BCL2: variants seen among roughly 807,000 people sequenced by gnomAD.
BCL2 encodes the protein BCL2 apoptosis regulator.
In BCL2, 1 loss-of-function variant was observed where a neutral mutation model predicts 14.2. The ratio of observed to expected loss-of-function variants is 0.07; its 90% CI spans 0.02 to 0.33. BCL2 has a LOEUF of 0.33. BCL2 is among the 10% of genes least tolerant of loss of function. BCL2 has a pLI of 0.99. For synonymous variants in BCL2, 151 were observed against 137.2 expected, an observed-to-expected ratio of 1.10 and a Z score of -0.70; for missense variants, 247 against 305.9, an observed-to-expected ratio of 0.81 and a Z score of 1.44.
intron 2 of BCL2, among the ~76,000 whole-genome samples, chr18:63,236,646 C>A (rs1456265288): frequency 6.6e-6 from 1 of 152,222 alleles, no homozygotes; most frequent in Non-Finnish European, 1.5e-5. Context: ...TCTGACGGCT[C>A]TTCAATGAAT....
At chr18:63,296,966 A>T (rs1348871140) in intron 2 of BCL2, among the ~76,000 whole-genome samples, 1 of 152,224 alleles carries the variant, frequency 6.6e-6, no homozygotes, top group African/African-American at 2.4e-5. Context: ...TAATCCCAGC[A>T]CTTTGGGAGG....
At chr18:63,131,780 A>C (rs1209332510) in intron 2 of BCL2, among the ~76,000 whole-genome samples, 1 of 152,194 alleles carries the variant, frequency 6.6e-6, no homozygotes. Flanking sequence ...TCTGAACCAG[A>C]CTAAGCCCCT....
At chr18:63,176,543 G>A (rs1250799817) in intron 2 of BCL2, among the ~76,000 whole-genome samples, 1 of 152,258 alleles carries the variant, frequency 6.6e-6, no homozygotes, top group Non-Finnish European at 1.5e-5. Context: ...GAATAAAAGA[G>A]TGAGTGGGTG....
intron 2 of BCL2, among the ~76,000 whole-genome samples, chr18:63,248,671 GA>G (rs1438156483): frequency 6.6e-6 from 1 of 152,164 alleles, no homozygotes; most frequent in Non-Finnish European, 1.5e-5. Context: ...GCACCCTGGG[GA>G]TACTGCCTCA....
At chr18:63,214,848 C>T (rs1910154243) in intron 2 of BCL2, among the ~76,000 whole-genome samples, 1 of 152,092 alleles carries the variant, frequency 6.6e-6, no homozygotes, top group African/African-American at 2.4e-5. Context: ...GTAGCTGGGA[C>T]TACAGGCATG....
Position 63,319,662 on chromosome 18 carries a change from C to G in BCL2, c.-775G>C, listed in dbSNP as rs969219065. The G allele has an allele frequency of 4.5e-6, 1 of 221,268 alleles. No homozygotes were observed. The highest frequency in any genetic ancestry group is 1.8e-4 in the South Asian group (1 of 5,416). 13.7% of individuals were successfully genotyped at this position (221,268 alleles called of 1,614,324 possible). ...AATCCTCTTCTGATTAAACTCCGAA[C>G]AGCAAATGCATTTTCCGAAAAGCTG... On this transcript the variant is annotated 5_prime_UTR_variant, in exon 1 of 3. Transcript: ENST00000333681.
intron 2 of BCL2, among the ~76,000 whole-genome samples, chr18:63,167,462 C>T (rs1915071458): frequency 1.3e-5 from 2 of 152,092 alleles, no homozygotes; most frequent in South Asian, 4.1e-4. Flanking sequence ...TTTAGAATTC[C>T]TTCTTTGGGC....
chr18:63,281,693 A>T (rs983235073), intron 2 of BCL2, among the ~76,000 whole-genome samples: 1 of 145,054 alleles, frequency 6.9e-6, no homozygotes, highest in Non-Finnish European at 1.5e-5. Context: ...AGAAAGAAAG[A>T]AAGAAAGAAA....
chr18:63,138,670 G>T (rs1182352439), intron 2 of BCL2, among the ~76,000 whole-genome samples: 2 of 152,236 alleles, frequency 1.3e-5, no homozygotes, highest in Non-Finnish European at 2.9e-5. Context: ...GGGTCCAGGG[G>T]GAGGGGCTGG....
In BCL2 at chr18:63,126,030, A is replaced by C. The variant is rs1231955592; in HGVS notation, c.*2595T>G. On this transcript the variant is annotated 3_prime_UTR_variant, in exon 3 of 3. Transcript: ENST00000333681. ...CATTGTTACTTCTAAAGCAGCTTGG[A>C]GGATCTTACCACGTGGAGCATACTG... is the stretch of plus-strand genomic sequence containing the variant. The C allele has an allele frequency of 4.6e-6, 1 of 218,588 alleles. No individual in the cohort carries two copies. Among genetic ancestry groups the C allele is most frequent in the Non-Finnish European group, 9.2e-6 (1 of 108,542 alleles). The allele number at this position is 218,588 out of a possible 1,614,324, so 13.5% of individuals were successfully genotyped here.
chr18:63,176,166 T>C (rs1044037680), intron 2 of BCL2, among the ~76,000 whole-genome samples: 1 of 152,200 alleles, frequency 6.6e-6, no homozygotes, highest in African/African-American at 2.4e-5. Context: ...TGGGGAGCAA[T>C]GGCAGGATGG....
At chr18:63,147,975 A>T (rs1914555165) in intron 2 of BCL2, among the ~76,000 whole-genome samples, 1 of 152,164 alleles carries the variant, frequency 6.6e-6, no homozygotes. Flanking sequence ...TTTTCTCAGA[A>T]TGTTTCATTC....
intron 2 of BCL2, among the ~76,000 whole-genome samples, chr18:63,209,085 G>C (rs1459971896): frequency 2.0e-5 from 3 of 152,216 alleles, no homozygotes; most frequent in Non-Finnish European, 2.9e-5. Flanking sequence ...CCTGGCAAAA[G>C]GCTATAGGTC....
chr18:63,317,769 C>T, intron 2 of BCL2: 1 of 1,229,206 alleles, frequency 8.1e-7, no homozygotes, highest in Non-Finnish European at 1.0e-6. Context: ...CCTGGGGACT[C>T]CTGGACCTTC....
chr18:63,264,771 A>G (rs1911769717), intron 2 of BCL2, among the ~76,000 whole-genome samples: 1 of 152,244 alleles, frequency 6.6e-6, no homozygotes, highest in South Asian at 2.1e-4. Flanking sequence ...ATGGGAACGA[A>G]GAGATAGCCA....
At chr18:63,309,914 GTGCAGTGACACGATCTCGGCTCAC>G (rs931243353) in intron 2 of BCL2, among the ~76,000 whole-genome samples, 54 of 152,082 alleles carry the variant, frequency 3.6e-4, no homozygotes, top group African/African-American at 1.3e-3. Flanking sequence ...CTAGGCTGGA[GTGCAGTGACACGATCTCGGCTCAC>G]TGCAACCTCC....
At chr18:63,178,002 C>T (rs1915390161) in intron 2 of BCL2, among the ~76,000 whole-genome samples, 1 of 152,136 alleles carries the variant, frequency 6.6e-6, no homozygotes, top group African/African-American at 2.4e-5. Context: ...CAGCCACTTC[C>T]CTAAGCTCAC....
At chr18:63,312,216 T>C (rs963454637) in intron 2 of BCL2, among the ~76,000 whole-genome samples, 2 of 152,122 alleles carry the variant, frequency 1.3e-5, no homozygotes, top group African/African-American at 4.8e-5. Flanking sequence ...CCATCACTAA[T>C]TGGAAGTTAA....
rs781454557 is a variant in BCL2, at chr18:63,126,715, T to C, written c.*1910A>G. 8 of 225,722 alleles carry C rather than the reference T, an allele frequency of 3.5e-5. No individual in the cohort carries two copies. Among genetic ancestry groups the C allele is most frequent in the Non-Finnish European group, 5.3e-5 (6 of 113,388 alleles). The allele number at this position is 225,722 out of a possible 1,614,324, so 14.0% of individuals were successfully genotyped here. A position where few individuals can be genotyped will look rare whatever the true frequency, so the allele number is the denominator to read the frequency against. On this transcript the variant is annotated 3_prime_UTR_variant, in exon 3 of 3. Transcript: ENST00000333681. ...AGAATGCTTTTGAAGAATCAAGAGA[T>C]AAAAATCTCAAACAGAAAACGATCA...
Sources: allele counts gnomAD v4.1 joint callset (sites outside exome capture counted in the v4.1 genomes callset), GRCh38; gene constraint gnomAD v4.1.1; transcripts MANE v1.5; gene names NCBI Gene and HGNC (gene_info 2026-07-23, HGNC 2026-07-21).